Variants in AAMDC observed in about 807,000 individuals in gnomAD.
AAMDC encodes the protein adipogenesis associated Mth938 domain containing, also known as mth938 domain-containing protein.
A neutral mutation model predicts 15.5 loss-of-function variants in AAMDC; 16 were observed. The ratio of observed to expected loss-of-function variants is 1.03; its 90% CI spans 0.70 to 1.57. The LOEUF (loss-of-function observed/expected upper bound fraction) is 1.57. Ranked by LOEUF, AAMDC falls within the 40% of genes most tolerant of loss-of-function variation. The pLI is 0.00. For missense variants in AAMDC, 141 were observed against 144.9 expected (o/e 0.97, Z 0.14); for synonymous variants, 51 against 51.6 (o/e 0.99, Z 0.05).
intron 1 of AAMDC, among the ~76,000 whole-genome samples, chr11:77,837,344 C>G (rs1437986074): frequency 6.6e-6 from 1 of 152,140 alleles, no homozygotes; most frequent in Non-Finnish European, 1.5e-5. Context: ...ACCACGTTGG[C>G]CAGGCTGGTC....
intron 1 of AAMDC, among the ~76,000 whole-genome samples, chr11:77,831,722 G>T (rs1255032429): frequency 6.7e-6 from 1 of 149,328 alleles, no homozygotes; most frequent in Non-Finnish European, 1.5e-5. Context: ...CTGAGACAGG[G>T]TCTCACTCTG....
chr11:77,897,010 A>C (rs183859346), intron 5 of AAMDC, among the ~76,000 whole-genome samples: 128 of 151,922 alleles, frequency 8.4e-4, no homozygotes, highest in Middle Eastern at 3.4e-3. Context: ...GTAACATTAA[A>C]TACTAAAAGG....
intron 2 of AAMDC, among the ~76,000 whole-genome samples, chr11:77,857,254 G>A (rs1950659565): frequency 1.3e-5 from 2 of 152,176 alleles, no homozygotes; most frequent in Non-Finnish European, 2.9e-5. Context: ...AGACTGCCTA[G>A]ATCACTTAGA....
intron 2 of AAMDC, chr11:77,869,005 CT>C: frequency 3.0e-6 from 1 of 335,338 alleles, no homozygotes; most frequent in Non-Finnish European, 5.6e-6. Context: ...ACCGTAGACT[CT>C]TCCAGTTTTG....
At chr11:77,898,904 C>A (rs1952649046) in intron 5 of AAMDC, among the ~76,000 whole-genome samples, 1 of 152,084 alleles carries the variant, frequency 6.6e-6, no homozygotes, top group African/African-American at 2.4e-5. Context: ...CCTGTAGTCC[C>A]AGCTACTTGG....
At chr11:77,883,899 G>C (rs529248015) in intron 5 of AAMDC, 5 of 1,613,234 alleles carry the variant, frequency 3.1e-6, no homozygotes, top group Middle Eastern at 1.6e-4. Context: ...CAGGATTCCG[G>C]AAGTCTGCAG....
chr11:77,873,023 T>C (rs1280100615), downstream of AAMDC, among the ~76,000 whole-genome samples: 2 of 152,240 alleles, frequency 1.3e-5, no homozygotes, highest in African/African-American at 2.4e-5. Context: ...CTGGCTCAGA[T>C]AGTCTTTGTT....
At chr11:77,903,920 G>A (rs529829239), downstream of AAMDC, among the ~76,000 whole-genome samples, 280 of 152,290 alleles carry the variant, frequency 1.8e-3, 1 homozygote, top group African/African-American at 6.6e-3. Context: ...GCGCAGGCAA[G>A]CCAGCTTCCG....
In AAMDC at chr11:77,856,909, C is replaced by T. The variant is rs559587675; in HGVS notation, c.133-12813C>T. Among the ~76,000 whole-genome samples the T allele has an allele frequency of 3.3e-5, 5 of 152,226 alleles. No homozygotes were observed. The East Asian group carries it at 7.7e-4, about 23-fold the overall frequency. ...TCTTTACTGAAGTCAAAGTTGAAAA[C>T]AGAATACAAGGTGGAAGCTCCCAAG... On this transcript the variant is annotated intron_variant, in intron 2 of 3. Coordinates refer to ENST00000393427, the MANE Select transcript of AAMDC (RefSeq NM_024684.4).
chr11:77,839,789 G>A (rs1192825512), intron 1 of AAMDC, among the ~76,000 whole-genome samples: 1 of 152,072 alleles, frequency 6.6e-6, no homozygotes, highest in Non-Finnish European at 1.5e-5. Context: ...TGGACACAGG[G>A]AGGGGAACAA....
intron 5 of AAMDC, among the ~76,000 whole-genome samples, chr11:77,885,077 CTTTTTCT>C (rs1951946303): frequency 6.6e-6 from 1 of 151,828 alleles, no homozygotes; most frequent in Admixed American, 6.6e-5. Context: ...ATTTCTTTTT[CTTTTTCT>C]TTTTTCTTTT....
At chr11:77,870,844 C>T (rs1951396661) in intron 3 of AAMDC, among the ~76,000 whole-genome samples, 1 of 152,182 alleles carries the variant, frequency 6.6e-6, no homozygotes, top group Admixed American at 6.5e-5. Flanking sequence ...AACCATTTTA[C>T]ATAAATAGGT....
At chr11:77,873,168 T>G (rs1294114608), downstream of AAMDC, among the ~76,000 whole-genome samples, 1 of 152,224 alleles carries the variant, frequency 6.6e-6, no homozygotes, top group African/African-American at 2.4e-5. Context: ...AGCCTTGACT[T>G]TGAACTGCAG....
intron 2 of AAMDC, among the ~76,000 whole-genome samples, chr11:77,848,414 A>G (rs951406527): frequency 3.3e-5 from 5 of 151,976 alleles, no homozygotes; most frequent in African/African-American, 9.7e-5. Flanking sequence ...GCTGGAGTGC[A>G]GGGCGTGATC....
chr11:77,862,821 G>C (rs1950938249), intron 2 of AAMDC, among the ~76,000 whole-genome samples: 1 of 152,202 alleles, frequency 6.6e-6, no homozygotes, highest in Non-Finnish European at 1.5e-5. Context: ...CCCCCTTGAA[G>C]AGGATATCAT....
chr11:77,869,514 C>G (rs1951312445), intron 2 of AAMDC, among the ~76,000 whole-genome samples: 1 of 150,126 alleles, frequency 6.7e-6, no homozygotes, highest in Non-Finnish European at 1.5e-5. Flanking sequence ...GGTCGGTCTC[C>G]CTATGTTGCC....
In AAMDC at chr11:77,895,853, A is replaced by G. The variant is rs376293730; in HGVS notation, c.329-4718A>G. Among the ~76,000 whole-genome samples the G allele has an allele frequency of 4.6e-4, 70 of 152,350 alleles. 1 individual carries two copies. The highest frequency in any genetic ancestry group is 1.6e-3 in the African/African-American group (68 of 41,594). ...CCTCATCAACAGGCCATATACATGAAGTAGGCCTCTAAGAACTCCTACTTT... is the reference window on the plus strand; with the variant it reads ...CCTCATCAACAGGCCATATACATGAGGTAGGCCTCTAAGAACTCCTACTTT... On this transcript the variant is annotated intron_variant, in intron 5 of 5. Coordinates refer to the AAMDC transcript ENST00000304716.
At chr11:77,865,487 A>C (rs756573928) in intron 2 of AAMDC, among the ~76,000 whole-genome samples, 2 of 152,252 alleles carry the variant, frequency 1.3e-5, no homozygotes, top group Admixed American at 6.5e-5. Context: ...GCTCATGCCA[A>C]ACCTATATAT....
At chr11:77,876,383 G>A (rs1056900538), downstream of AAMDC, among the ~76,000 whole-genome samples, 8 of 150,492 alleles carry the variant, frequency 5.3e-5, no homozygotes, top group South Asian at 2.1e-4. Context: ...TGCCCCCTTC[G>A]AAACCTTTAT....
Sources: gnomAD v4.1 joint callset for allele counts (sites outside exome capture counted in the v4.1 genomes callset) on GRCh38, gnomAD v4.1.1 for gene constraint, MANE v1.5 for transcripts, NCBI Gene and HGNC (gene_info 2026-07-23, HGNC 2026-07-21) for gene names.